The following CHN2 variants were observed in gnomAD, a reference collection of about 807,000 sequenced individuals.
CHN2 encodes chimerin 2, also known as beta-chimaerin.
Under a neutral mutation model 56.3 loss-of-function variants are expected in CHN2, and 35 were observed. The observed-to-expected ratio is 0.62, with a 90% CI of 0.47 to 0.82. CHN2 has a LOEUF of 0.82. CHN2 is among the 40% of genes least tolerant of loss of function. The probability of loss-of-function intolerance (pLI) is 0.00; values close to 1 mark genes in which losing one functional copy is unlikely to be tolerated. For synonymous variants in CHN2, 210 were observed against 212.8 expected (o/e 0.99, Z 0.12); for missense variants, 491 against 580.5 (o/e 0.85, Z 1.58).
intron 1 of CHN2, among the ~76,000 whole-genome samples, chr7:29,253,603 GC>G (rs888226567): frequency 5.9e-5 from 9 of 152,170 alleles, no homozygotes; most frequent in African/African-American, 1.9e-4. Flanking sequence ...GGGAGATTGG[GC>G]TAGATGAGCC....
chr7:29,264,951 A>G (rs1790014534), intron 1 of CHN2, among the ~76,000 whole-genome samples: 2 of 151,648 alleles, frequency 1.3e-5, no homozygotes, highest in Non-Finnish European at 2.9e-5. Flanking sequence ...CTTAGCAAAA[A>G]TTTAATCTAT....
At position 29,476,739 on chromosome 7, in the gene CHN2, T is replaced by TA. The variant is rs1300248245; in HGVS notation, c.577-3539dup. ...CTGGAGACATTTTTTATTACATACTTAGGGGGAGGGGCTCTACTGGCATCT... is the reference window on the plus strand; with the variant it reads ...CTGGAGACATTTTTTATTACATACTTAAGGGGGAGGGGCTCTACTGGCATCT... On this transcript the variant is annotated intron_variant, in intron 6 of 12. Transcript: ENST00000222792. Among the ~76,000 whole-genome samples the TA allele has an allele frequency of 4.6e-5, 7 of 152,046 alleles. No homozygotes were observed. The South Asian group carries it at 8.3e-4, about 18-fold the overall frequency.
intron 6 of CHN2, among the ~76,000 whole-genome samples, chr7:29,441,713 T>G (rs1783663456): frequency 6.6e-6 from 1 of 152,068 alleles, no homozygotes; most frequent in South Asian, 2.1e-4. Context: ...GGAAATGCAA[T>G]CAAAACCGCA....
chr7:29,313,363 A>G (rs1185929654), intron 1 of CHN2, among the ~76,000 whole-genome samples: 1 of 152,230 alleles, frequency 6.6e-6, no homozygotes, highest in Non-Finnish European at 1.5e-5. Flanking sequence ...CCAAACTGGG[A>G]GGATTCCCCT....
intron 1 of CHN2, among the ~76,000 whole-genome samples, chr7:29,339,744 T>C (rs1796899679): frequency 6.6e-6 from 1 of 151,812 alleles, no homozygotes; most frequent in East Asian, 1.9e-4. Flanking sequence ...TCCCAGCTAC[T>C]TGGGAGGCTA....
intron 1 of CHN2, among the ~76,000 whole-genome samples, chr7:29,198,220 G>A (rs919860009): frequency 4.6e-5 from 7 of 152,346 alleles, no homozygotes; most frequent in African/African-American, 1.4e-4. Flanking sequence ...ATAGACAGAG[G>A]TGAAGTCAAC....
intron 1 of CHN2, among the ~76,000 whole-genome samples, chr7:29,262,575 T>A (rs1349712924): frequency 1.3e-5 from 2 of 152,236 alleles, no homozygotes; most frequent in African/African-American, 4.8e-5. Context: ...AATTCTCTAA[T>A]CCTTTTCTTC....
intron 2 of CHN2, chr7:29,148,602 T>C (rs1195712944): frequency 6.6e-6 from 1 of 152,264 alleles, no homozygotes; most frequent in African/African-American, 2.4e-5. Flanking sequence ...CAAATGAGTT[T>C]TGTAAGTTTG....
chr7:29,302,721 C>T, intron 1 of CHN2, among the ~76,000 whole-genome samples: 1 of 152,024 alleles, frequency 6.6e-6, no homozygotes, highest in East Asian at 1.9e-4. Flanking sequence ...TTTCATCTTC[C>T]CAAACTGAAA....
chr7:29,428,892 G>A (rs536862458), intron 6 of CHN2, among the ~76,000 whole-genome samples: 1 of 152,300 alleles, frequency 6.6e-6, no homozygotes, highest in Non-Finnish European at 1.5e-5. Context: ...TGAGACCAGA[G>A]TTGAAGATGC....
At chr7:29,279,496 C>T (rs555159965) in intron 1 of CHN2, among the ~76,000 whole-genome samples, 27 of 152,236 alleles carry the variant, frequency 1.8e-4, no homozygotes, top group African/African-American at 6.0e-4. Flanking sequence ...GTTGGGAATA[C>T]CTTCACTAGA....
chr7:29,152,317 T>TC (rs1474583467), intron 2 of CHN2, among the ~76,000 whole-genome samples: 1 of 152,062 alleles, frequency 6.6e-6, no homozygotes, highest in African/African-American at 2.4e-5. Flanking sequence ...TTTAAAGGAT[T>TC]CCCCCTTGAT....
At chr7:29,173,672 T>A (rs1053083208) in intron 2 of CHN2, among the ~76,000 whole-genome samples, 2 of 151,820 alleles carry the variant, frequency 1.3e-5, no homozygotes, top group African/African-American at 4.8e-5. Context: ...GAAGAAATAT[T>A]TTTTTAAAAA....
At chr7:29,202,737 A>G (rs1225941994) in intron 1 of CHN2, among the ~76,000 whole-genome samples, 1 of 152,232 alleles carries the variant, frequency 6.6e-6, no homozygotes, top group Non-Finnish European at 1.5e-5. Context: ...CACCCTCAGT[A>G]CTGGCTGGGT....
chr7:29,286,585 A>G (rs937033880), intron 1 of CHN2, among the ~76,000 whole-genome samples: 4 of 152,170 alleles, frequency 2.6e-5, no homozygotes, highest in Admixed American at 6.5e-5. Context: ...CACACCTTAT[A>G]TTAAAACAGA....
chr7:29,312,728 G>A (rs186225923), intron 1 of CHN2, among the ~76,000 whole-genome samples: 6 of 152,184 alleles, frequency 3.9e-5, no homozygotes, highest in African/African-American at 1.4e-4. Context: ...TTTCTAGGGT[G>A]TCACTTATTA....
chr7:29,390,052 T>G (rs374024509), intron 3 of CHN2, among the ~76,000 whole-genome samples: 1 of 17,270 alleles, frequency 5.8e-5, no homozygotes, highest in African/African-American at 1.3e-4. Context: ...AGACACTGTC[T>G]CAAAAAAAAA....
At chr7:29,454,805 T>G (rs921285634) in intron 6 of CHN2, among the ~76,000 whole-genome samples, 7 of 152,318 alleles carry the variant, frequency 4.6e-5, no homozygotes, top group Middle Eastern at 6.8e-3. Flanking sequence ...TTGTCAAAAC[T>G]CACAGAAACG....
chr7:29,255,691 A>T (rs1789016110), intron 1 of CHN2, among the ~76,000 whole-genome samples: 1 of 152,194 alleles, frequency 6.6e-6, no homozygotes, highest in East Asian at 1.9e-4. Flanking sequence ...GGTTTTTTAT[A>T]AAAACAAACA....
Sources: gnomAD v4.1 joint callset for allele counts (sites outside exome capture counted in the v4.1 genomes callset) on GRCh38, gnomAD v4.1.1 for gene constraint, MANE v1.5 for transcripts, NCBI Gene and HGNC (gene_info 2026-07-23, HGNC 2026-07-21) for gene names.